The following ACBD7 variants were observed in gnomAD, a reference collection of about 807,000 sequenced individuals.
ACBD7 encodes the protein acyl-CoA binding domain containing 7.
ACBD7 carries 11 observed loss-of-function variants against 13.7 expected under a neutral mutation model. The ratio of observed to expected loss-of-function variants is 0.80; its 90% CI spans 0.50 to 1.33. ACBD7 has a LOEUF of 1.33. Ranked by LOEUF, ACBD7 falls within the 40% of genes most tolerant of loss-of-function variation. The pLI, the probability that ACBD7 is intolerant of heterozygous loss-of-function variation, is 0.00. For synonymous variants in ACBD7, 43 were observed against 37.7 expected (o/e 1.14, Z -0.51); for missense variants, 111 against 103.0 (o/e 1.08, Z -0.33).
At position 15,075,995 on chromosome 10, in the gene ACBD7, A is replaced by G. The variant is rs1311377033; in HGVS notation, c.*2535T>C. 6 of 641,302 alleles carry G rather than the reference A, an allele frequency of 9.4e-6. No individual in the cohort carries two copies. Among genetic ancestry groups the G allele is most frequent in the Non-Finnish European group, 1.2e-5 (6 of 519,080 alleles). 39.7% of individuals were successfully genotyped at this position (641,302 alleles called of 1,614,324 possible). A position where few individuals can be genotyped will look rare whatever the true frequency, so the allele number is the denominator to read the frequency against. ...TCTCAACAAAAAAAAAAAAAAAAAAAAAGAAAAGAAAAAGAATGTTATATA... is the reference window on the plus strand; with the variant it reads ...TCTCAACAAAAAAAAAAAAAAAAAAGAAGAAAAGAAAAAGAATGTTATATA... On this transcript the variant is annotated 3_prime_UTR_variant, in exon 4 of 4. Transcript: ENST00000356189.
chr10:15,078,652 T>G (rs1189184003), intron 3 of ACBD7, 39 bp downstream of exon 3: 12 of 1,614,058 alleles, frequency 7.4e-6, no homozygotes, highest in South Asian at 1.1e-5. Context: ...ACTGGGAAAT[T>G]AAGAAAGTTT....
In ACBD7 at chr10:15,075,881, G is replaced by C. The variant is rs1013440658; in HGVS notation, c.*2649C>G. ...CCCAGCTACTCTGGAGGCTGAGATG[G>C]GAGGATTGCTTGACCCTGGGAGGCA... On this transcript the variant is annotated 3_prime_UTR_variant, in exon 4 of 4. Transcript: ENST00000356189. 1.3e-5 allele frequency among the ~76,000 whole-genome samples: 2 copies of C among 151,200 alleles called. No homozygotes were observed. The highest frequency in any genetic ancestry group is 4.9e-5 in the African/African-American group (2 of 41,102).
chr10:15,078,282 T>C lies in ACBD7; in HGVS notation c.*248A>G, dbSNP rs1844707227. ...AAGGACATGAACTCATCCCTTTTTA[T>C]GGCTCCATAGTATTCCATGGTGTAT... On this transcript the variant is annotated 3_prime_UTR_variant, in exon 4 of 4. Transcript: ENST00000356189. 22 of 1,208,084 alleles carry C rather than the reference T, an allele frequency of 1.8e-5. No homozygotes were observed. Among genetic ancestry groups the C allele is most frequent in the Non-Finnish European group, 2.1e-5 (20 of 943,188 alleles). The allele number at this position is 1,208,084 out of a possible 1,614,324, so 74.8% of individuals were successfully genotyped here.
Position 15,088,717 on chromosome 10 carries a change from C to T in ACBD7, c.12G>A (p.Gln4=). 6.3e-7 allele frequency: 1 copy of T among 1,598,660 alleles called. No homozygotes were observed. Among genetic ancestry groups the T allele is most frequent in the African/African-American group, 1.4e-5 (1 of 73,006 alleles). MAL[Q]ADFDRAAEDV... ...CGTGGCCTCCCCGCGCCCCGGGTAC[C>T]TGCAGGGCCATGGTGGCGGCTGCCG... Residue 4 remains glutamine (Q), a splice_region_variant and synonymous_variant, in exon 1 of 4, where the codon CAG becomes CAA. Transcript: ENST00000356189.
At chr10:15,088,656 C>T (rs1844837499) in intron 1 of ACBD7, 61 bp downstream of exon 1, 1 of 1,576,970 alleles carries the variant, frequency 6.3e-7, no homozygotes, top group Non-Finnish European at 8.6e-7. Flanking sequence ...ACCCGGAGCC[C>T]CACTTAAGCA....
rs1048798354 is a variant in ACBD7 at position 15,077,274 on chromosome 10, A to G, written c.*1256T>C. Among the ~76,000 whole-genome samples, 3 of 152,216 alleles carry G rather than the reference A, an allele frequency of 2.0e-5. No homozygotes were observed. Among genetic ancestry groups the G allele is most frequent in the African/African-American group, 7.2e-5 (3 of 41,462 alleles). On this transcript the variant is annotated 3_prime_UTR_variant, in exon 4 of 4. Coordinates refer to ENST00000356189, the MANE Select transcript of ACBD7 (RefSeq NM_001039844.3). ...TCAGCCATATAAAGAGAATGAAATTACGGCTTTTGCAGCAACGTGGGTGGA... is the reference window on the plus strand; with the variant it reads ...TCAGCCATATAAAGAGAATGAAATTGCGGCTTTTGCAGCAACGTGGGTGGA...
At position 15,088,756 on chromosome 10, in the gene ACBD7, G is replaced by A; in HGVS notation, c.-28C>T. On this transcript the variant is annotated 5_prime_UTR_variant, in exon 1 of 4. Coordinates refer to ENST00000356189, the MANE Select transcript of ACBD7 (RefSeq NM_001039844.3). Reference sequence around the variant, plus strand: ...TGGCGGCTGCCGCGTTGTTGCTGCTGCTGTTGTCGTCCGGTGCTCTGCCCC... The same window carrying A: ...TGGCGGCTGCCGCGTTGTTGCTGCTACTGTTGTCGTCCGGTGCTCTGCCCC... 6.3e-7 allele frequency: 1 copy of A among 1,598,420 alleles called. No homozygotes were observed. Among genetic ancestry groups the A allele is most frequent in the East Asian group, 2.3e-5 (1 of 43,054 alleles).
chr10:15,080,549 T>C (rs1308361386), intron 1 of ACBD7, among the ~76,000 whole-genome samples: 1 of 152,102 alleles, frequency 6.6e-6, no homozygotes, highest in Non-Finnish European at 1.5e-5. Context: ...CACTGCACTC[T>C]AGCCTGGGCG....
Position 15,076,732 on chromosome 10 carries a change from G to A in ACBD7, c.*1798C>T, listed in dbSNP as rs1332308439. On this transcript the variant is annotated 3_prime_UTR_variant, in exon 4 of 4. Transcript: ENST00000356189. ...TTGGTCAGGCTGGTCTCGAACTTCT[G>A]ACCTCAGTAATCCACCTACCTCGGC... 3.2e-6 allele frequency: 3 copies of A among 939,864 alleles called. No homozygotes were observed. Among genetic ancestry groups the A allele is most frequent in the South Asian group, 9.8e-5 (2 of 20,354 alleles). The allele number at this position is 939,864 out of a possible 1,614,324, so 58.2% of individuals were successfully genotyped here.
chr10:15,075,887 T>C lies in ACBD7; in HGVS notation c.*2643A>G, dbSNP rs1364687637. Among the ~76,000 whole-genome samples the C allele has an allele frequency of 6.7e-6, 1 of 150,022 alleles. No individual in the cohort carries two copies. Among genetic ancestry groups the C allele is most frequent in the African/African-American group, 2.5e-5 (1 of 40,686 alleles). Reference sequence around the variant, plus strand: ...TACTCTGGAGGCTGAGATGGGAGGATTGCTTGACCCTGGGAGGCAGAGGTT... The same window carrying C: ...TACTCTGGAGGCTGAGATGGGAGGACTGCTTGACCCTGGGAGGCAGAGGTT... On this transcript the variant is annotated 3_prime_UTR_variant, in exon 4 of 4. Coordinates refer to ENST00000356189, the MANE Select transcript of ACBD7 (RefSeq NM_001039844.3).
chr10:15,079,793 G>A (rs1844729282), intron 1 of ACBD7, among the ~76,000 whole-genome samples: 1 of 151,320 alleles, frequency 6.6e-6, no homozygotes. Flanking sequence ...TGGCCAGGCT[G>A]GTCTTGAACT....
At chr10:15,085,335 C>G (rs2131398110) in intron 1 of ACBD7, among the ~76,000 whole-genome samples, 1 of 152,346 alleles carries the variant, frequency 6.6e-6, no homozygotes, top group South Asian at 2.1e-4. Flanking sequence ...TCCGTGCTGA[C>G]TAGGCGGGCT....
Position 15,078,477 on chromosome 10 carries a change from T to C in ACBD7, c.*53A>G. The C allele has an allele frequency of 6.2e-7, 1 of 1,612,074 alleles. No homozygotes were observed. The highest frequency in any genetic ancestry group is 8.5e-7 in the Non-Finnish European group (1 of 1,179,614). ...TATGCCTCTCCCTCTAAATGTTAGG[T>C]CATGATAGCATTTGGAAGTCTTCAA... On this transcript the variant is annotated 3_prime_UTR_variant, in exon 4 of 4. Coordinates refer to ENST00000356189, the MANE Select transcript of ACBD7 (RefSeq NM_001039844.3).
At chr10:15,082,862 C>T (rs1844765394) in intron 1 of ACBD7, among the ~76,000 whole-genome samples, 1 of 151,968 alleles carries the variant, frequency 6.6e-6, no homozygotes, top group Admixed American at 6.6e-5. Flanking sequence ...AATGGTGAAA[C>T]ACCGTCTCTA....
In ACBD7 at chr10:15,076,034, A is replaced by G. The variant is rs1188112685; in HGVS notation, c.*2496T>C. ...GAATGTTATATAAATGGAATTATACATGTCACATTTGGGGACTGGCTTTTT... is the reference window on the plus strand; with the variant it reads ...GAATGTTATATAAATGGAATTATACGTGTCACATTTGGGGACTGGCTTTTT... On this transcript the variant is annotated 3_prime_UTR_variant, in exon 4 of 4. Coordinates refer to ENST00000356189, the MANE Select transcript of ACBD7 (RefSeq NM_001039844.3). 6.4e-6 allele frequency: 5 copies of G among 776,046 alleles called. No individual in the cohort carries two copies. The highest frequency in any genetic ancestry group is 7.8e-6 in the Non-Finnish European group (5 of 639,326). 48.1% of individuals were successfully genotyped at this position (776,046 alleles called of 1,614,324 possible).
In ACBD7 at chr10:15,076,098, C is replaced by G. The variant is rs1300251186; in HGVS notation, c.*2432G>C. ...TTCCCTGGAAATTCATCTAGCAGAC[C>G]TAGATAGTTTTGTTGTTGTAGTAAC... is the stretch of plus-strand genomic sequence containing the variant. On this transcript the variant is annotated 3_prime_UTR_variant, in exon 4 of 4. Transcript: ENST00000356189. The G allele has an allele frequency of 2.0e-6, 2 of 984,536 alleles. No homozygotes were observed. The highest frequency in any genetic ancestry group is 1.2e-6 in the Non-Finnish European group (1 of 829,354). 61.0% of individuals were successfully genotyped at this position (984,536 alleles called of 1,614,324 possible).
chr10:15,078,613 T>C lies in ACBD7; in HGVS notation c.194-10A>G, dbSNP rs375226332. On this transcript the variant is annotated splice_polypyrimidine_tract_variant and intron_variant, in intron 3 of 3. Coordinates refer to ENST00000356189, the MANE Select transcript of ACBD7 (RefSeq NM_001039844.3). Reference sequence around the variant, plus strand: ...TCTTCCGTCGACAACCCTAGAAAGATACAAACAGGTTATCTCCCTGATTGG... The same window carrying C: ...TCTTCCGTCGACAACCCTAGAAAGACACAAACAGGTTATCTCCCTGATTGG... The C allele has an allele frequency of 3.7e-6, 6 of 1,614,022 alleles. No individual in the cohort carries two copies. The African/African-American group carries it at 6.7e-5, about 18-fold the overall frequency.
intron 1 of ACBD7, among the ~76,000 whole-genome samples, chr10:15,086,843 A>C (rs537736627): frequency 6.6e-6 from 1 of 152,166 alleles, no homozygotes; most frequent in African/African-American, 2.4e-5. Context: ...GAGAAACTCC[A>C]TCTCTACTAA....
intron 1 of ACBD7, chr10:15,088,461 C>T: frequency 1.9e-6 from 1 of 539,478 alleles, no homozygotes; most frequent in South Asian, 2.4e-5. Context: ...CTCCGTGCTC[C>T]CCGGCGCTCC....
Sources: gnomAD v4.1 joint callset for allele counts (sites outside exome capture counted in the v4.1 genomes callset) on GRCh38, gnomAD v4.1.1 for gene constraint, MANE v1.5 for transcripts, NCBI Gene and HGNC (gene_info 2026-07-23, HGNC 2026-07-21) for gene names.